The following ATE1 variants were observed in gnomAD, a reference collection of about 807,000 sequenced individuals.
ATE1 encodes the protein arginyltransferase 1, also known as arginyl-tRNA--protein transferase 1.
Under a neutral mutation model 70.5 loss-of-function variants are expected in ATE1, and 36 were observed. The observed-to-expected ratio is 0.51, with a 90% confidence interval of 0.39 to 0.67. The LOEUF is 0.67. ATE1 is among the 30% of genes least tolerant of loss of function. The pLI is 0.00. For synonymous variants in ATE1, 232 were observed against 219.3 expected (o/e 1.06, Z -0.51); for missense variants, 593 against 629.5 (o/e 0.94, Z 0.62).
intron 5 of ATE1, 48 bp from the exon 6 acceptor site, chr10:121,902,668 A>C (rs1340287141): frequency 1.3e-6 from 2 of 1,521,128 alleles, no homozygotes; most frequent in African/African-American, 1.4e-5. Context: ...GGTTCTAGAA[A>C]AGTTTTTTCA....
At chr10:121,864,771 G>C (rs1949604123) in intron 8 of ATE1, among the ~76,000 whole-genome samples, 1 of 151,644 alleles carries the variant, frequency 6.6e-6, no homozygotes. Flanking sequence ...TTAGGGATGT[G>C]GTTTTCAACA....
chr10:121,891,395 A>G (rs1950574440), intron 7 of ATE1, among the ~76,000 whole-genome samples: 1 of 152,204 alleles, frequency 6.6e-6, no homozygotes, highest in Non-Finnish European at 1.5e-5. Context: ...TGGTGGCGAC[A>G]GGAAAAAGAG....
chr10:121,892,528 C>A (rs1364040977), intron 7 of ATE1, among the ~76,000 whole-genome samples: 1 of 141,606 alleles, frequency 7.1e-6, no homozygotes, highest in East Asian at 2.1e-4. Context: ...TTGACACAGT[C>A]TCCCTCTTGT....
intron 11 of ATE1, among the ~76,000 whole-genome samples, chr10:121,763,465 A>C (rs909554516): frequency 6.6e-6 from 1 of 152,220 alleles, no homozygotes; most frequent in Admixed American, 6.5e-5. Context: ...ATATGGGGGA[A>C]CTTTAAATGC....
chr10:121,820,654 A>G (rs1947756520), intron 10 of ATE1, among the ~76,000 whole-genome samples: 2 of 152,234 alleles, frequency 1.3e-5, no homozygotes, highest in Non-Finnish European at 2.9e-5. Context: ...TGGCTAATAT[A>G]ATTCTACAGG....
chr10:121,791,855 T>C (rs560746920), intron 10 of ATE1, among the ~76,000 whole-genome samples: 8 of 152,310 alleles, frequency 5.3e-5, no homozygotes, highest in East Asian at 3.9e-4. Context: ...ACCATAGAGT[T>C]TGAAAAACAC....
chr10:121,890,460 T>C (rs1950543046), intron 7 of ATE1, among the ~76,000 whole-genome samples: 1 of 152,152 alleles, frequency 6.6e-6, no homozygotes, highest in African/African-American at 2.4e-5. Flanking sequence ...AAAGAAAAAC[T>C]AACAACTGTT....
chr10:121,885,449 AG>A (rs1164461501), intron 7 of ATE1, among the ~76,000 whole-genome samples: 1 of 150,170 alleles, frequency 6.7e-6, no homozygotes, highest in Non-Finnish European at 1.5e-5. Flanking sequence ...GGGCGCTTGT[AG>A]TCCCAGCTAC....
chr10:121,908,657 T>A (rs749366405), intron 5 of ATE1, among the ~76,000 whole-genome samples: 4 of 152,180 alleles, frequency 2.6e-5, no homozygotes, highest in Non-Finnish European at 5.9e-5. Flanking sequence ...CATCCATGAC[T>A]ATTAGCACTA....
intron 11 of ATE1, among the ~76,000 whole-genome samples, chr10:121,745,586 G>A (rs1341219057): frequency 4.6e-5 from 7 of 152,194 alleles, no homozygotes; most frequent in Non-Finnish European, 7.3e-5. Context: ...AATTAGCCAG[G>A]CGTGGTGGCG....
In ATE1 at chr10:121,791,647, G is replaced by A. The variant is rs11200157; in HGVS notation, c.1258-1358C>T. Among the ~76,000 whole-genome samples the A allele has an allele frequency of 0.022, 3,295 of 152,124 alleles. 187 individuals are homozygous for A. The East Asian group carries it at 0.25, about 12-fold the overall frequency. On this transcript the variant is annotated intron_variant, in intron 10 of 11. Coordinates refer to ENST00000224652, the MANE Select transcript of ATE1 (RefSeq NM_001001976.3). The stretch of plus-strand genomic sequence containing the variant: ...AAATCTAGTATAGTGTTTTTCAATT[G>A]TTTTTTACTACAACCCATAGTACAA...
chr10:121,908,307 C>T (rs553050215), intron 5 of ATE1, among the ~76,000 whole-genome samples: 74 of 152,254 alleles, frequency 4.9e-4, no homozygotes, highest in Middle Eastern at 6.8e-3. Context: ...AGTTCGAGAC[C>T]AGCCTGGCCA....
intron 11 of ATE1, among the ~76,000 whole-genome samples, chr10:121,767,038 T>C (rs555604149): frequency 6.2e-4 from 95 of 152,250 alleles, no homozygotes; most frequent in South Asian, 2.9e-3. Flanking sequence ...AACAAAATAC[T>C]AGAAAACAGA....
chr10:121,834,992 T>C (rs1187692965), intron 10 of ATE1, among the ~76,000 whole-genome samples: 1 of 152,196 alleles, frequency 6.6e-6, no homozygotes, highest in Non-Finnish European at 1.5e-5. Flanking sequence ...TAGAGTTTTC[T>C]GCTCTGAACT....
intron 11 of ATE1, among the ~76,000 whole-genome samples, chr10:121,744,678 C>T (rs771234276): frequency 2.0e-5 from 3 of 152,138 alleles, no homozygotes; most frequent in Admixed American, 1.3e-4. Context: ...TCATGGAAGA[C>T]GTGGAAGAGA....
chr10:121,742,536 G>C lies in ATE1; in HGVS notation c.*1144C>G, dbSNP rs144958227. The C allele has an allele frequency of 5.6e-4, 85 of 152,322 alleles. 1 individual carries two copies. Among genetic ancestry groups the C allele is most frequent in the African/African-American group, 1.9e-3 (81 of 41,570 alleles). 9.4% of individuals were successfully genotyped at this position (152,322 alleles called of 1,614,324 possible). ...TCCCAGACAGCTCGACTATAGCTAA[G>C]AAGGGACATGTCTGACTGTCCTCCT... On this transcript the variant is annotated 3_prime_UTR_variant, in exon 12 of 12. Transcript: ENST00000224652.
intron 10 of ATE1, among the ~76,000 whole-genome samples, chr10:121,795,912 C>G (rs1458751497): frequency 6.6e-6 from 1 of 152,110 alleles, no homozygotes; most frequent in Non-Finnish European, 1.5e-5. Context: ...CATAGTTTCC[C>G]ATGGTCAGAA....
chr10:121,922,066 A>G (rs1379004226), intron 3 of ATE1, among the ~76,000 whole-genome samples: 2 of 152,142 alleles, frequency 1.3e-5, no homozygotes, highest in African/African-American at 4.8e-5. Flanking sequence ...ATTTACCAAC[A>G]TTTTCCCAAT....
rs376008472 is a variant in ATE1, at chr10:121,770,179, G to C, written c.1378+19990C>G. Among the ~76,000 whole-genome samples, 55 of 148,950 alleles carry C rather than the reference G, an allele frequency of 3.7e-4. No homozygotes were observed. In the South Asian group the frequency reaches 5.6e-3, roughly 15 times the overall value. On this transcript the variant is annotated intron_variant, in intron 11 of 11. Transcript: ENST00000224652. ...CATCCATGCCATGGAATACTACTTA[G>C]CAATAAGAAGGCATGAACTACTGAT...
Sources: allele counts gnomAD v4.1 joint callset (sites outside exome capture counted in the v4.1 genomes callset), GRCh38; gene constraint gnomAD v4.1.1; transcripts MANE v1.5; gene names NCBI Gene and HGNC (gene_info 2026-07-23, HGNC 2026-07-21).